FILIP1: variants seen among roughly 807,000 people sequenced by gnomAD.
The protein encoded by FILIP1 is filamin A interacting protein 1.
FILIP1 carries 61 observed loss-of-function variants against 102.1 expected under a neutral mutation model. The observed-to-expected ratio is 0.60, with a 90% CI of 0.49 to 0.74. The LOEUF (loss-of-function observed/expected upper bound fraction) is 0.74, where lower values mean the gene tolerates loss of function less well. FILIP1 is among the 30% of genes least tolerant of loss of function. The pLI is 0.00. For synonymous variants in FILIP1, 491 were observed against 526.9 expected (o/e 0.93, Z 0.93); for missense variants, 1,314 against 1,441.2 (o/e 0.91, Z 1.43).
intron 1 of FILIP1, among the ~76,000 whole-genome samples, chr6:75,419,088 C>G (rs1335886502): frequency 6.6e-6 from 1 of 151,576 alleles, no homozygotes; most frequent in Non-Finnish European, 1.5e-5. Context: ...GCCTTTTAGT[C>G]ATTTATGCTG....
At chr6:75,319,789 C>A in intron 4 of FILIP1, 1 of 327,042 alleles carries the variant, frequency 3.1e-6, no homozygotes, top group Admixed American at 3.8e-5. Flanking sequence ...GAGATTGTGC[C>A]ACTGCACTCC....
At chr6:75,414,637 C>A in intron 2 of FILIP1, 60 bp downstream of exon 2, 1 of 1,474,966 alleles carries the variant, frequency 6.8e-7, no homozygotes, top group South Asian at 1.3e-5. Context: ...GATTTACATT[C>A]TCTTATTTTA....
chr6:75,436,732 G>A (rs964828534), intron 1 of FILIP1, among the ~76,000 whole-genome samples: 8 of 152,078 alleles, frequency 5.3e-5, no homozygotes, highest in South Asian at 2.1e-4. Context: ...CCAGAAGTGC[G>A]GTGACATTTT....
intron 4 of FILIP1, among the ~76,000 whole-genome samples, chr6:75,325,492 C>T (rs564528437): frequency 4.6e-5 from 7 of 152,290 alleles, no homozygotes; most frequent in African/African-American, 1.2e-4. Flanking sequence ...GCAAACTCTG[C>T]ATCTGACAAA....
intron 5 of FILIP1, among the ~76,000 whole-genome samples, chr6:75,311,071 TA>T (rs1290484956): frequency 6.6e-6 from 1 of 152,232 alleles, no homozygotes; most frequent in Non-Finnish European, 1.5e-5. Context: ...TCTATTAGCT[TA>T]AGTTAACATC....
intron 1 of FILIP1, chr6:75,454,871 A>T (rs1778770532): frequency 6.6e-6 from 1 of 152,240 alleles, no homozygotes; most frequent in Non-Finnish European, 1.5e-5. Context: ...ACACTGAAGA[A>T]CCAAGGAACA....
intron 2 of FILIP1, among the ~76,000 whole-genome samples, chr6:75,394,232 T>C (rs781543199): frequency 4.6e-5 from 7 of 152,172 alleles, no homozygotes; most frequent in Non-Finnish European, 1.0e-4. Flanking sequence ...GACTAGACCC[T>C]GACTCTTATG....
intron 4 of FILIP1, 137 bp downstream of exon 4, chr6:75,353,402 C>A: frequency 1.3e-6 from 1 of 774,978 alleles, no homozygotes; most frequent in Non-Finnish European, 2.1e-6. Context: ...ATGGTTACCA[C>A]CCATTCAAAA....
At chr6:75,319,040 C>T in intron 4 of FILIP1, 3 of 704,626 alleles carry the variant, frequency 4.3e-6, no homozygotes, top group Non-Finnish European at 7.6e-6. Context: ...TATTCATCAT[C>T]GTCATCTTCT....
intron 4 of FILIP1, among the ~76,000 whole-genome samples, chr6:75,343,860 C>T (rs540497094): frequency 4.6e-5 from 7 of 152,254 alleles, no homozygotes; most frequent in East Asian, 1.9e-4. Flanking sequence ...TATTGTAACC[C>T]TTGGTCTCTG....
At chr6:75,374,091 G>A (rs1248745401) in intron 2 of FILIP1, among the ~76,000 whole-genome samples, 5 of 152,098 alleles carry the variant, frequency 3.3e-5, no homozygotes, top group East Asian at 1.9e-4. Flanking sequence ...TGTCATCCAC[G>A]GATTTGAATG....
intron 1 of FILIP1, among the ~76,000 whole-genome samples, chr6:75,471,506 A>G (rs1005462459): frequency 2.0e-5 from 3 of 152,316 alleles, no homozygotes; most frequent in Admixed American, 6.5e-5. Flanking sequence ...GAATTTAAAT[A>G]TAAGTATTGC....
intron 1 of FILIP1, among the ~76,000 whole-genome samples, chr6:75,443,230 T>C (rs1018528328): frequency 6.6e-6 from 1 of 152,208 alleles, no homozygotes; most frequent in African/African-American, 2.4e-5. Flanking sequence ...ATACTATTTA[T>C]TTAGTGCTGT....
chr6:75,320,394 AAAAAC>A (rs775895835), intron 4 of FILIP1, among the ~76,000 whole-genome samples: 6 of 152,030 alleles, frequency 3.9e-5, no homozygotes, highest in Admixed American at 6.5e-5. Flanking sequence ...TCATCTCTAC[AAAAAC>A]AAAACAAAAC....
At position 75,436,654 on chromosome 6, in the gene FILIP1, C is replaced by T. The variant is rs150020998; in HGVS notation, c.-6-21676G>A. Among the ~76,000 whole-genome samples the T allele has an allele frequency of 6.5e-4, 99 of 152,160 alleles. No homozygotes were observed. In the East Asian group the frequency reaches 0.015, roughly 23 times the overall value. The stretch of plus-strand genomic sequence containing the variant: ...CTGTCCCAAAGCTATCTTTTGATGA[C>T]GAGACAGGTGGAGAGAATTCATCTC... On this transcript the variant is annotated intron_variant, in intron 1 of 5. Coordinates refer to ENST00000237172, the MANE Select transcript of FILIP1 (RefSeq NM_015687.5).
At chr6:75,307,874 A>C (rs1317107750), downstream of FILIP1, among the ~76,000 whole-genome samples, 1 of 152,194 alleles carries the variant, frequency 6.6e-6, no homozygotes, top group Non-Finnish European at 1.5e-5. Context: ...GCTATTTTCT[A>C]TCCATCACAA....
chr6:75,461,296 T>A (rs1320934953), intron 1 of FILIP1, among the ~76,000 whole-genome samples: 1 of 152,222 alleles, frequency 6.6e-6, no homozygotes, highest in Non-Finnish European at 1.5e-5. Context: ...AAGTAACTTG[T>A]TAAATATTGC....
intron 1 of FILIP1, among the ~76,000 whole-genome samples, chr6:75,488,056 CA>C (rs1307050385): frequency 6.6e-6 from 1 of 152,098 alleles, no homozygotes; most frequent in African/African-American, 2.4e-5. Context: ...GTTTGTATTT[CA>C]CAGGCCTCAG....
At chr6:75,326,505 TA>T (rs1000471244) in intron 4 of FILIP1, among the ~76,000 whole-genome samples, 1 of 152,120 alleles carries the variant, frequency 6.6e-6, no homozygotes, top group Non-Finnish European at 1.5e-5. Flanking sequence ...CAAAAACTAT[TA>T]AAATAAAATA....
Sources: gnomAD v4.1 joint callset for allele counts (sites outside exome capture counted in the v4.1 genomes callset) on GRCh38, gnomAD v4.1.1 for gene constraint, MANE v1.5 for transcripts, NCBI Gene and HGNC (gene_info 2026-07-23, HGNC 2026-07-21) for gene names.